Variants in NRG2 observed in about 807,000 individuals in gnomAD.
NRG2 encodes the protein neuregulin 2.
NRG2 carries 27 observed loss-of-function variants against 73.9 expected under a neutral mutation model. That is an observed-to-expected ratio of 0.37 (90% CI 0.27 to 0.50). The LOEUF (loss-of-function observed/expected upper bound fraction) is 0.50. Among genes scored for constraint, NRG2 ranks in the 20% least tolerant of loss-of-function variants. NRG2 has a pLI of 0.96. For synonymous variants in NRG2, 532 were observed against 541.0 expected (o/e 0.98, Z 0.23); for missense variants, 1,126 against 1,210.1 (o/e 0.93, Z 1.03).
intron 1 of NRG2, among the ~76,000 whole-genome samples, chr5:139,937,870 T>A (rs907046138): frequency 4.6e-5 from 7 of 152,308 alleles, no homozygotes; most frequent in Middle Eastern, 3.4e-3. Context: ...ATATATTTTT[T>A]AAAAACTCTT....
At chr5:140,033,041 A>G (rs1314553594) in intron 1 of NRG2, among the ~76,000 whole-genome samples, 2 of 152,238 alleles carry the variant, frequency 1.3e-5, no homozygotes, top group African/African-American at 4.8e-5. Context: ...GGTTTCACAT[A>G]TCAATTAATT....
intron 1 of NRG2, among the ~76,000 whole-genome samples, chr5:140,032,317 A>G (rs1761217933): frequency 6.6e-6 from 1 of 152,240 alleles, no homozygotes; most frequent in East Asian, 1.9e-4. Context: ...AAGCCAAAAT[A>G]TTGACATACA....
chr5:139,958,017 C>A (rs1300341438), intron 1 of NRG2, among the ~76,000 whole-genome samples: 2 of 151,990 alleles, frequency 1.3e-5, no homozygotes, highest in African/African-American at 2.4e-5. Context: ...CAGTGACTTC[C>A]CTGGACACGT....
chr5:139,946,293 C>T (rs370180465), intron 1 of NRG2, among the ~76,000 whole-genome samples: 4 of 151,834 alleles, frequency 2.6e-5, no homozygotes, highest in Non-Finnish European at 5.9e-5. Context: ...ATTGAGAATC[C>T]GGAAATAAAC....
rs1458365267 is a variant in NRG2 at position 139,869,247 on chromosome 5, A to C, written c.1112+2474T>G. On this transcript the variant is annotated intron_variant, in intron 4 of 9. Coordinates refer to ENST00000361474, the MANE Select transcript of NRG2 (RefSeq NM_004883.3). The surrounding 1 kb of genome is among the most constrained non-coding windows in gnomAD (Gnocchi z 4.5). ...CAGGGCTCTGAACCAATACACAACA[A>C]CAAGTGTAAGAAAACCAGGAAGGAA... Among the ~76,000 whole-genome samples the C allele has an allele frequency of 2.6e-5, 4 of 152,182 alleles. No individual in the cohort carries two copies. Among genetic ancestry groups the C allele is most frequent in the Non-Finnish European group, 5.9e-5 (4 of 68,040 alleles).
At chr5:139,978,723 G>T (rs2560713) in intron 1 of NRG2, among the ~76,000 whole-genome samples, 1 of 151,620 alleles carries the variant, frequency 6.6e-6, no homozygotes, top group Non-Finnish European at 1.5e-5. Flanking sequence ...AATATTGTGA[G>T]ACTCTTTTTA....
chr5:139,967,240 T>C (rs1006475594), intron 1 of NRG2, among the ~76,000 whole-genome samples: 1 of 152,156 alleles, frequency 6.6e-6, no homozygotes, highest in African/African-American at 2.4e-5. Context: ...ATAAGGACCT[T>C]CACTCCAGGG....
rs550983369 is a variant in NRG2, at chr5:140,021,048, T to C, written c.700+21322A>G. On this transcript the variant is annotated intron_variant, in intron 1 of 9. Coordinates refer to ENST00000361474, the MANE Select transcript of NRG2 (RefSeq NM_004883.3). ...AAGGCACTCTCAGAGCATTAATCTTTGAGTGAGCAAACTGGTTCACAGTTG... is the reference window on the plus strand; with the variant it reads ...AAGGCACTCTCAGAGCATTAATCTTCGAGTGAGCAAACTGGTTCACAGTTG... Among the ~76,000 whole-genome samples, 21 of 152,336 alleles carry C rather than the reference T, an allele frequency of 1.4e-4. No homozygotes were observed. In the South Asian group the frequency reaches 3.3e-3, roughly 24 times the overall value.
In NRG2 at chr5:139,852,319, T is replaced by C. The variant is rs912045778; in HGVS notation, c.1544+113A>G. The C allele has an allele frequency of 2.2e-6, 3 of 1,340,452 alleles. No homozygotes were observed. In the African/African-American group the frequency reaches 4.4e-5, roughly 20 times the overall value. 83.0% of individuals were successfully genotyped at this position (1,340,452 alleles called of 1,614,324 possible). On this transcript the variant is annotated intron_variant, in intron 8 of 9. Coordinates refer to ENST00000361474, the MANE Select transcript of NRG2 (RefSeq NM_004883.3). This position sits in a 1 kb window ranked among gnomAD's most constrained non-coding sequence, Gnocchi z 4.4. ...AGGCTAAGGTGTGCTGTGATTCCTG[T>C]GGCAAGCTCAGGGGAGGGTATTGAA...
Position 139,968,890 on chromosome 5 carries a change from T to TC in NRG2, c.700+73479dup, listed in dbSNP as rs1755771840. Among the ~76,000 whole-genome samples, 3 of 152,198 alleles carry TC rather than the reference T, an allele frequency of 2.0e-5. No homozygotes were observed. The South Asian group carries it at 6.2e-4, about 32-fold the overall frequency. On this transcript the variant is annotated intron_variant, in intron 1 of 9. Coordinates refer to ENST00000361474, the MANE Select transcript of NRG2 (RefSeq NM_004883.3). ...GCCTCAGCCCAGGAGGAGAGGGCAC[T>TC]CCGAGGCCGGTGCAGGAGCTGAGAC...
At chr5:139,863,506 A>C (rs1762281368) in intron 5 of NRG2, among the ~76,000 whole-genome samples, 1 of 152,228 alleles carries the variant, frequency 6.6e-6, no homozygotes, top group Non-Finnish European at 1.5e-5. Flanking sequence ...CCCAGCTGGC[A>C]GAGAGGCCTT....
rs1011383842 is a variant in NRG2, at chr5:139,894,588, G to GT, written c.701-7078dup. On this transcript the variant is annotated intron_variant, in intron 1 of 9. Transcript: ENST00000361474. This position sits in a 1 kb window ranked among gnomAD's most constrained non-coding sequence, Gnocchi z 5.0. ...CTCACAGGACAGACTCCCAAAGGGA[G>GT]TGTATGCCCAGCTGGGCTGCTTAGC... is the stretch of plus-strand genomic sequence containing the variant. Among the ~76,000 whole-genome samples, 2 of 152,182 alleles carry GT rather than the reference G, an allele frequency of 1.3e-5. No homozygotes were observed. The highest frequency in any genetic ancestry group is 2.9e-5 in the Non-Finnish European group (2 of 68,016).
intron 1 of NRG2, among the ~76,000 whole-genome samples, chr5:139,973,591 A>G (rs1026372228): frequency 6.6e-6 from 1 of 152,194 alleles, no homozygotes; most frequent in Non-Finnish European, 1.5e-5. Context: ...CAAACTCCTG[A>G]GCTCAAACAA....
chr5:139,969,643 C>A (rs1375360572), intron 1 of NRG2, among the ~76,000 whole-genome samples: 1 of 152,228 alleles, frequency 6.6e-6, no homozygotes, highest in Non-Finnish European at 1.5e-5. Flanking sequence ...TTTATTGAAT[C>A]AACTCTATGC....
intron 5 of NRG2, among the ~76,000 whole-genome samples, chr5:139,858,054 C>T (rs1248037326): frequency 1.3e-5 from 2 of 152,194 alleles, no homozygotes. Context: ...TATTTACAAC[C>T]ATAAAGCAGA....
chr5:139,866,192 G>A (rs1164543397), intron 4 of NRG2, among the ~76,000 whole-genome samples: 1 of 152,180 alleles, frequency 6.6e-6, no homozygotes, highest in African/African-American at 2.4e-5. Flanking sequence ...TGTTTTATCT[G>A]TTCTTTCAAA....
chr5:139,887,434 C>T lies in NRG2; in HGVS notation c.778G>A (p.Ala260Thr), dbSNP rs1157876085. ...GEKQSLKCEA[A>T]AGNPQPSYRW... Reference sequence around the variant, plus strand: ...TAGGAAGGCTGGGGATTACCGGCTGCTGCCTCACACTTCAGCGATTGCTTC... The same window carrying T: ...TAGGAAGGCTGGGGATTACCGGCTGTTGCCTCACACTTCAGCGATTGCTTC... Residue 260 changes from alanine (A) to threonine (T), a missense_variant, in exon 2 of 10, where the codon GCA (alanine) becomes ACA (threonine). This residue lies in a region of NRG2 where 539 missense variants were observed against 703.2 expected (regional missense o/e 0.77). Coordinates refer to ENST00000361474, the MANE Select transcript of NRG2 (RefSeq NM_004883.3). The surrounding 1 kb of genome is among the most constrained non-coding windows in gnomAD (Gnocchi z 4.5). 1 of 1,614,228 alleles carries T rather than the reference C, an allele frequency of 6.2e-7. No homozygotes were observed. Among genetic ancestry groups the T allele is most frequent in the Non-Finnish European group, 8.5e-7 (1 of 1,180,042 alleles).
intron 1 of NRG2, among the ~76,000 whole-genome samples, chr5:139,938,876 G>GAC (rs1278431531): frequency 1.1e-5 from 1 of 88,920 alleles, no homozygotes; most frequent in Non-Finnish European, 2.0e-5. Context: ...GAGAGAGAGA[G>GAC]AGAGAAGGAA....
intron 1 of NRG2, among the ~76,000 whole-genome samples, chr5:139,974,690 AT>A (rs1756246852): frequency 6.6e-6 from 1 of 152,098 alleles, no homozygotes; most frequent in East Asian, 1.9e-4. Context: ...ACCAGCCCCT[AT>A]TTCTCTTCTC....
Sources: allele counts gnomAD v4.1 joint callset (sites outside exome capture counted in the v4.1 genomes callset), GRCh38; gene constraint gnomAD v4.1.1; regional missense constraint gnomAD v4.1.1; non-coding constraint Gnocchi (gnomAD v3.1); transcripts MANE v1.5; gene names NCBI Gene and HGNC (gene_info 2026-07-23, HGNC 2026-07-21).